The following EDA variants were observed in gnomAD, a reference collection of about 807,000 sequenced individuals.
EDA encodes ectodysplasin-A.
In EDA, 2 loss-of-function variants were observed where a neutral mutation model predicts 23.6. That is an observed-to-expected ratio of 0.08 (90% confidence interval 0.03 to 0.27). EDA has a LOEUF of 0.27. Among genes scored for constraint, EDA ranks in the 10% least tolerant of loss-of-function variants. The pLI, the probability that EDA is intolerant of heterozygous loss-of-function variation, is 1.00. For synonymous variants in EDA, 131 were observed against 132.0 expected (o/e 0.99, Z 0.05); for missense variants, 229 against 324.2 (o/e 0.71, Z 2.26).
At chrX:69,684,509 C>T (rs1035273634) in intron 1 of EDA, among the ~76,000 whole-genome samples, 2 of 111,486 alleles carry the variant, frequency 1.8e-5, no homozygotes, top group African/African-American at 6.5e-5. Flanking sequence ...GATTTCCATC[C>T]AAAAGATTAA....
intron 1 of EDA, among the ~76,000 whole-genome samples, chrX:69,647,888 T>C (rs957329399): frequency 8.9e-6 from 1 of 111,885 alleles, no homozygotes; most frequent in Non-Finnish European, 1.9e-5. Context: ...TTTTTGTTGA[T>C]GTTGTTATTG....
At chrX:69,629,895 C>G (rs1228663697) in intron 1 of EDA, among the ~76,000 whole-genome samples, 2 of 111,709 alleles carry the variant, frequency 1.8e-5, no homozygotes, top group Non-Finnish European at 3.8e-5. Context: ...CTTTCAGATT[C>G]TAACTCACGT....
At chrX:69,962,557 A>C (rs1047085214) in intron 2 of EDA, among the ~76,000 whole-genome samples, 3 of 111,010 alleles carry the variant, frequency 2.7e-5, no homozygotes, top group African/African-American at 9.8e-5. Context: ...TCAGCCTCCC[A>C]AGTAGCTGGG....
chrX:69,887,378 A>G (rs2017845656), intron 1 of EDA, among the ~76,000 whole-genome samples: 1 of 112,165 alleles, frequency 8.9e-6, no homozygotes, highest in Admixed American at 9.5e-5. Context: ...TCTAATAAAT[A>G]GGAATCATTT....
chrX:69,825,939 C>T (rs954792095), intron 1 of EDA, among the ~76,000 whole-genome samples: 24 of 108,413 alleles, frequency 2.2e-4, no homozygotes, highest in African/African-American at 7.8e-4. Flanking sequence ...TTTATTTCTG[C>T]CTTCATTTCG....
At chrX:69,775,914 T>C (rs1467538912) in intron 1 of EDA, among the ~76,000 whole-genome samples, 1 of 111,863 alleles carries the variant, frequency 8.9e-6, no homozygotes, top group Non-Finnish European at 1.9e-5. Flanking sequence ...GATCATTACT[T>C]AATTAACTGA....
chrX:69,908,210 G>C (rs1307241272), intron 1 of EDA, among the ~76,000 whole-genome samples: 1 of 111,497 alleles, frequency 9.0e-6, no homozygotes, highest in Non-Finnish European at 1.9e-5. Context: ...ATATTTATGT[G>C]TCATTTCTTG....
At chrX:69,817,167 G>C (rs1326998827) in intron 1 of EDA, among the ~76,000 whole-genome samples, 1 of 111,864 alleles carries the variant, frequency 8.9e-6, no homozygotes, top group African/African-American at 3.3e-5. Flanking sequence ...ACAGGCGAAT[G>C]CTGGGGGAAT....
intron 1 of EDA, among the ~76,000 whole-genome samples, chrX:69,774,236 C>T (rs1331511633): frequency 8.9e-6 from 1 of 112,071 alleles, no homozygotes; most frequent in Non-Finnish European, 1.9e-5. Flanking sequence ...TCACATGCAT[C>T]CACTGATTAG....
At chrX:69,715,008 A>G (rs1052161969) in intron 1 of EDA, among the ~76,000 whole-genome samples, 2 of 110,195 alleles carry the variant, frequency 1.8e-5, no homozygotes, top group African/African-American at 6.6e-5. Context: ...TTGTCTTCCA[A>G]TCAATGAACA....
intron 1 of EDA, among the ~76,000 whole-genome samples, chrX:69,805,809 A>G (rs1435014643): frequency 9.0e-6 from 1 of 111,719 alleles, no homozygotes; most frequent in Non-Finnish European, 1.9e-5. Context: ...CAAAACTTGA[A>G]CAAATGACAA....
At chrX:69,911,918 A>G (rs2018272631) in intron 1 of EDA, among the ~76,000 whole-genome samples, 2 of 112,275 alleles carry the variant, frequency 1.8e-5, no homozygotes, top group South Asian at 7.4e-4. Flanking sequence ...ATAAGACAAC[A>G]ATAAAGTTCG....
intron 1 of EDA, among the ~76,000 whole-genome samples, chrX:69,647,313 T>G (rs918257151): frequency 2.7e-5 from 3 of 111,785 alleles, no homozygotes; most frequent in Non-Finnish European, 5.6e-5. Context: ...ATTCTCCCTG[T>G]CTCTTTTAGG....
chrX:69,696,707 C>T (rs1378130413), intron 1 of EDA, among the ~76,000 whole-genome samples: 1 of 111,456 alleles, frequency 9.0e-6, no homozygotes, highest in Admixed American at 9.5e-5. Context: ...AACTTAAAAC[C>T]CTCTGTTATA....
intron 2 of EDA, among the ~76,000 whole-genome samples, chrX:69,994,959 A>C (rs2019635918): frequency 8.9e-6 from 1 of 112,372 alleles, no homozygotes; most frequent in African/African-American, 3.2e-5. Flanking sequence ...TGTCTATTGA[A>C]ATTTCTTTAC....
At chrX:69,854,954 C>G (rs1254792062) in intron 1 of EDA, among the ~76,000 whole-genome samples, 2 of 110,701 alleles carry the variant, frequency 1.8e-5, no homozygotes, top group Admixed American at 1.9e-4. Flanking sequence ...TTCTCCACAA[C>G]CTTGCCAGCA....
At chrX:69,898,596 A>G (rs967824854) in intron 1 of EDA, among the ~76,000 whole-genome samples, 16 of 111,831 alleles carry the variant, frequency 1.4e-4, no homozygotes, top group African/African-American at 4.6e-4. Context: ...AGAAAAATCA[A>G]TAATTCATTT....
At chrX:69,987,314 AAATAAAT>A (rs2019514327) in intron 2 of EDA, among the ~76,000 whole-genome samples, 1 of 107,590 alleles carries the variant, frequency 9.3e-6, no homozygotes, top group Non-Finnish European at 1.9e-5. Flanking sequence ...TTTTTTTTAA[AAATAAAT>A]AAATAAAAAA....
At chrX:69,675,659 T>C (rs1427592178) in intron 1 of EDA, among the ~76,000 whole-genome samples, 2 of 111,092 alleles carry the variant, frequency 1.8e-5, no homozygotes, top group African/African-American at 6.6e-5. Flanking sequence ...CCAGGTACTA[T>C]TTATGGAACC....
Sources: allele counts gnomAD v4.1 joint callset (sites outside exome capture counted in the v4.1 genomes callset), GRCh38; gene constraint gnomAD v4.1.1; transcripts MANE v1.5; gene names NCBI Gene and HGNC (gene_info 2026-07-23, HGNC 2026-07-21).